The following XYLT1 variants were observed in gnomAD, a reference collection of about 807,000 sequenced individuals.
XYLT1 encodes xylosyltransferase 1, also known as beta-D-xylosyltransferase 1.
A neutral mutation model predicts 91.3 loss-of-function variants in XYLT1; 36 were observed. The observed-to-expected ratio is 0.39, with a 90% confidence interval of 0.30 to 0.52. XYLT1 has a LOEUF of 0.52. XYLT1 is among the 20% of genes least tolerant of loss of function. The probability of loss-of-function intolerance (pLI) is 0.68; values close to 1 mark genes in which losing one functional copy is unlikely to be tolerated. For missense variants in XYLT1, 1,242 were observed against 1,284.5 expected, an observed-to-expected ratio of 0.97 and a Z score of 0.51; for synonymous variants, 588 against 532.0, an observed-to-expected ratio of 1.11 and a Z score of -1.45.
intron 2 of XYLT1, among the ~76,000 whole-genome samples, chr16:17,346,344 CA>C (rs1057227954): frequency 2.0e-5 from 3 of 152,040 alleles, no homozygotes; most frequent in Non-Finnish European, 4.4e-5. Flanking sequence ...GTGCAGGGGA[CA>C]GGACAAACAA....
In XYLT1 at chr16:17,470,924, C is replaced by CGCCTCGGCTCGCCGCCGCCT; in HGVS notation, c.-129_-128insAGGCGGCGGCGAGCCGAGGC. Reference sequence around the variant, plus strand: ...CCCGCTCGGGCCGCCGCCGCCGCCCCCCTCCCCACACCCCTGTCCCCGCTG... The same window carrying CGCCTCGGCTCGCCGCCGCCT: ...CCCGCTCGGGCCGCCGCCGCCGCCCCGCCTCGGCTCGCCGCCGCCTCCTCCCCACACCCCTGTCCCCGCTG... On this transcript the variant is annotated 5_prime_UTR_variant, in exon 1 of 12. Coordinates refer to ENST00000261381, the MANE Select transcript of XYLT1 (RefSeq NM_022166.4). 2.0e-5 allele frequency: 3 copies of CGCCTCGGCTCGCCGCCGCCT among 150,416 alleles called. 1 individual carries two copies. Among genetic ancestry groups the CGCCTCGGCTCGCCGCCGCCT allele is most frequent in the Non-Finnish European group, 4.2e-5 (3 of 70,700 alleles). 9.3% of individuals were successfully genotyped at this position (150,416 alleles called of 1,614,324 possible).
chr16:17,437,838 A>G (rs1164184662), intron 1 of XYLT1, among the ~76,000 whole-genome samples: 1 of 152,166 alleles, frequency 6.6e-6, no homozygotes, highest in East Asian at 1.9e-4. Flanking sequence ...ATGTCCTCAA[A>G]GCTAAATCAT....
Position 17,258,994 on chromosome 16 carries a change from G to C in XYLT1, c.907C>G (p.Leu303Val), listed in dbSNP as rs778430460. The change falls in exon 3 of 12, where the codon CTC (leucine) becomes GTC (valine). Residue 303 changes from leucine to valine, a missense_variant. Leu to Val is a conservative substitution (Grantham distance 32). Coordinates refer to ENST00000261381, the MANE Select transcript of XYLT1 (RefSeq NM_022166.4). Reference sequence around the variant, plus strand: ...CAGCGGGGTTGGAACTTACCCTCGAGGGGGCAGAACCGAGTCACCTTCTCA... The same window carrying C: ...CAGCGGGGTTGGAACTTACCCTCGACGGGGCAGAACCGAGTCACCTTCTCA... Reference protein sequence around the residue: ...MPEKVTRFCPLEGKANKNVQW... With the variant: ...MPEKVTRFCPVEGKANKNVQW... The C allele has an allele frequency of 1.3e-6, 2 of 1,496,644 alleles. No individual in the cohort carries two copies. Among genetic ancestry groups the C allele is most frequent in the East Asian group, 2.3e-5 (1 of 43,358 alleles). 92.7% of individuals were successfully genotyped at this position (1,496,644 alleles called of 1,614,324 possible).
At chr16:17,191,407 A>G (rs1413350533) in intron 5 of XYLT1, among the ~76,000 whole-genome samples, 3 of 152,344 alleles carry the variant, frequency 2.0e-5, no homozygotes, top group Non-Finnish European at 2.9e-5. Flanking sequence ...TTCAAATCCC[A>G]GAGTGACTGG....
intron 3 of XYLT1, among the ~76,000 whole-genome samples, chr16:17,246,456 G>A (rs1417135026): frequency 6.6e-6 from 1 of 152,154 alleles, no homozygotes; most frequent in Non-Finnish European, 1.5e-5. Context: ...TAACACATCT[G>A]GTTCCACATT....
chr16:17,105,054 T>G lies in XYLT1; in HGVS notation c.*3641A>C, dbSNP rs1157142961. The G allele has an allele frequency of 6.6e-6, 1 of 152,194 alleles. No individual in the cohort carries two copies. The highest frequency in any genetic ancestry group is 1.9e-4 in the East Asian group (1 of 5,186). The allele number at this position is 152,194 out of a possible 1,614,324, so 9.4% of individuals were successfully genotyped here. On this transcript the variant is annotated 3_prime_UTR_variant, in exon 12 of 12. Transcript: ENST00000261381. ...CCCTAGATGTACCCCTCCACCTGAATGTACACCTCTCCACCCCTCGATACT... is the reference window on the plus strand; with the variant it reads ...CCCTAGATGTACCCCTCCACCTGAAGGTACACCTCTCCACCCCTCGATACT...
At chr16:17,200,811 T>TA (rs1321030824) in intron 3 of XYLT1, among the ~76,000 whole-genome samples, 157 bp from the exon 4 acceptor site, 2 of 152,184 alleles carry the variant, frequency 1.3e-5, no homozygotes, top group Non-Finnish European at 2.9e-5. Flanking sequence ...AAGCACATCT[T>TA]AGATTCTCAC....
intron 3 of XYLT1, among the ~76,000 whole-genome samples, chr16:17,219,961 G>T (rs765388029): frequency 1.1e-4 from 16 of 152,124 alleles, no homozygotes; most frequent in Non-Finnish European, 2.1e-4. Context: ...TTCTAAATAA[G>T]AACCTCTCTG....
intron 2 of XYLT1, among the ~76,000 whole-genome samples, chr16:17,261,009 G>A (rs906876307): frequency 6.6e-6 from 1 of 152,090 alleles, no homozygotes; most frequent in African/African-American, 2.4e-5. Flanking sequence ...CGAGGCAGGT[G>A]AATCACTTGA....
At chr16:17,251,630 C>T (rs892252326) in intron 3 of XYLT1, among the ~76,000 whole-genome samples, 56 of 152,178 alleles carry the variant, frequency 3.7e-4, no homozygotes, top group African/African-American at 1.3e-3. Flanking sequence ...GGCCACTGCA[C>T]GGAGGGCGCT....
At chr16:17,146,771 G>A (rs1474240873) in intron 6 of XYLT1, among the ~76,000 whole-genome samples, 1 of 152,082 alleles carries the variant, frequency 6.6e-6, no homozygotes, top group Non-Finnish European at 1.5e-5. Context: ...AAGGGCATGG[G>A]GCAAGCAATA....
intron 3 of XYLT1, among the ~76,000 whole-genome samples, chr16:17,231,437 C>T (rs1215574728): frequency 6.6e-6 from 1 of 152,178 alleles, no homozygotes; most frequent in African/African-American, 2.4e-5. Flanking sequence ...GAATTTGCAG[C>T]CACATCAGTT....
At chr16:17,253,177 G>A (rs1005094702) in intron 3 of XYLT1, among the ~76,000 whole-genome samples, 4 of 152,180 alleles carry the variant, frequency 2.6e-5, no homozygotes, top group African/African-American at 7.2e-5. Context: ...ATTGTAAGCC[G>A]TTTTGTTCCA....
Position 17,390,100 on chromosome 16 carries a change from G to A in XYLT1, c.364-32050C>T, listed in dbSNP as rs180810206. On this transcript the variant is annotated intron_variant, in intron 1 of 11. Transcript: ENST00000261381. ...AAGCAGCAGGAGAGGGGAATAAAAC[G>A]TCAGGGAAGTCAACTCTAGGTTTAA... 5.8e-4 allele frequency among the ~76,000 whole-genome samples: 88 copies of A among 152,276 alleles called. No individual in the cohort carries two copies. The South Asian group carries it at 7.3e-3, about 13-fold the overall frequency.
intron 2 of XYLT1, among the ~76,000 whole-genome samples, chr16:17,285,641 C>T (rs1253638168): frequency 6.6e-6 from 1 of 152,198 alleles, no homozygotes; most frequent in Non-Finnish European, 1.5e-5. Context: ...GAATGCCAGG[C>T]CCTTCACCCC....
intron 2 of XYLT1, among the ~76,000 whole-genome samples, chr16:17,303,011 G>A (rs2034420339): frequency 6.6e-6 from 1 of 150,906 alleles, no homozygotes; most frequent in South Asian, 2.1e-4. Flanking sequence ...TAGGGAAGGG[G>A]AGTACATGGG....
rs139828626 is a variant in XYLT1, at chr16:17,128,462, C to T, written c.2028-601G>A. 3.4e-3 allele frequency among the ~76,000 whole-genome samples: 523 copies of T among 152,282 alleles called. 5 individuals carry two copies. The highest frequency in any genetic ancestry group is 0.012 in the African/African-American group (482 of 41,562). On this transcript the variant is annotated intron_variant, in intron 9 of 11. Transcript: ENST00000261381. ...GGATGATAACTCTAATTTTTTGCTT[C>T]TCTAAACAATGCTGCATTCAACATC...
At chr16:17,148,087 C>G (rs1337634104) in intron 6 of XYLT1, among the ~76,000 whole-genome samples, 1 of 152,226 alleles carries the variant, frequency 6.6e-6, no homozygotes, top group Non-Finnish European at 1.5e-5. Context: ...GTGGGGCTGG[C>G]TTAACCTCTC....
intron 1 of XYLT1, among the ~76,000 whole-genome samples, chr16:17,452,299 T>C (rs1445550995): frequency 7.7e-6 from 1 of 129,768 alleles, no homozygotes; most frequent in East Asian, 1.9e-4. Context: ...GATTCTCAGT[T>C]TTTTTCTTTT....
Sources: gnomAD v4.1 joint callset for allele counts (sites outside exome capture counted in the v4.1 genomes callset) on GRCh38, gnomAD v4.1.1 for gene constraint, MANE v1.5 for transcripts, NCBI Gene and HGNC (gene_info 2026-07-23, HGNC 2026-07-21) for gene names.